The following SEMA5A variants were observed in gnomAD, a reference collection of about 807,000 sequenced individuals.
SEMA5A encodes the protein semaphorin-5A.
In SEMA5A, 55 loss-of-function variants were observed where a neutral mutation model predicts 135.5. The ratio of observed to expected loss-of-function variants is 0.41; its 90% CI spans 0.33 to 0.51. The LOEUF is 0.51. Ranked by LOEUF, SEMA5A falls within the 20% of genes least tolerant of loss-of-function variation. SEMA5A has a pLI of 0.37. For missense variants in SEMA5A, 1,290 were observed against 1,419.9 expected (o/e 0.91, Z 1.47); for synonymous variants, 580 against 546.5 (o/e 1.06, Z -0.85).
At chr5:9,523,798 T>A (rs927750918) in intron 1 of SEMA5A, among the ~76,000 whole-genome samples, 4 of 152,222 alleles carry the variant, frequency 2.6e-5, no homozygotes, top group Non-Finnish European at 4.4e-5. Context: ...AGGTGCCACC[T>A]CCAGGTCATC....
At chr5:9,359,767 C>T (rs1029098381) in intron 3 of SEMA5A, among the ~76,000 whole-genome samples, 1 of 152,018 alleles carries the variant, frequency 6.6e-6, no homozygotes, top group African/African-American at 2.4e-5. Flanking sequence ...TATTTCCTTG[C>T]AGAGGAAAAA....
intron 11 of SEMA5A, among the ~76,000 whole-genome samples, chr5:9,189,867 G>C (rs1490307812): frequency 6.6e-6 from 1 of 152,158 alleles, no homozygotes; most frequent in East Asian, 1.9e-4. Flanking sequence ...TTTGCTGAAG[G>C]CACTGTTTTT....
At chr5:9,111,752 GAA>G (rs1241545361) in intron 15 of SEMA5A, among the ~76,000 whole-genome samples, 9 of 152,178 alleles carry the variant, frequency 5.9e-5, no homozygotes, top group Admixed American at 2.0e-4. Context: ...ATTCACCCTG[GAA>G]GAGACTGTTC....
intron 5 of SEMA5A, among the ~76,000 whole-genome samples, chr5:9,267,252 G>T (rs2150530062): frequency 6.6e-6 from 1 of 152,226 alleles, no homozygotes; most frequent in South Asian, 2.1e-4. Flanking sequence ...AGGCTTCTGG[G>T]TTTGGAAAAA....
intron 5 of SEMA5A, among the ~76,000 whole-genome samples, chr5:9,270,919 A>C (rs1054226697): frequency 3.9e-5 from 6 of 152,114 alleles, no homozygotes; most frequent in African/African-American, 1.4e-4. Flanking sequence ...CTTGCTTGCT[A>C]AAAATAGGTT....
At chr5:9,330,438 TTTTTG>T (rs1225540101) in intron 4 of SEMA5A, among the ~76,000 whole-genome samples, 2 of 151,132 alleles carry the variant, frequency 1.3e-5, no homozygotes, top group Non-Finnish European at 3.0e-5. Context: ...TTTGTTTTTG[TTTTTG>T]TTTTGTTTTG....
intron 5 of SEMA5A, among the ~76,000 whole-genome samples, chr5:9,306,872 G>T (rs1275578946): frequency 2.0e-5 from 3 of 152,154 alleles, no homozygotes; most frequent in Non-Finnish European, 2.9e-5. Flanking sequence ...GAAACTAATG[G>T]CTATGGTTTA....
At chr5:9,136,749 T>C in intron 12 of SEMA5A, 128 bp from the exon 13 acceptor site, 1 of 730,020 alleles carries the variant, frequency 1.4e-6, no homozygotes, top group East Asian at 2.5e-5. Context: ...AATGGGTATT[T>C]AGGCTGCACA....
At chr5:9,425,303 C>A (rs1757608477) in intron 2 of SEMA5A, among the ~76,000 whole-genome samples, 1 of 152,212 alleles carries the variant, frequency 6.6e-6, no homozygotes, top group African/African-American at 2.4e-5. Flanking sequence ...GCTCAGAGAG[C>A]CAGGAGCCTA....
intron 5 of SEMA5A, among the ~76,000 whole-genome samples, chr5:9,317,898 A>C (rs1173775628): frequency 6.6e-6 from 1 of 152,196 alleles, no homozygotes; most frequent in Non-Finnish European, 1.5e-5. Flanking sequence ...AAGTAGGTAA[A>C]TTTCATTTTG....
rs145319776 is a variant in SEMA5A, at chr5:9,337,805, G to T, written c.132C>A (p.Gly44=). ...TCGCTCTGAACTCCCGTAACCAGGG[G>T]CCAATTTCTAAATAGAAAAAATAAA... The part of the protein sequence containing the change: ...EHPVISYKEI[G]PWLREFRAKN... Residue 44 remains glycine, a synonymous_variant, in exon 4 of 23, where the codon GGC becomes GGA. Coordinates refer to ENST00000382496, the MANE Select transcript of SEMA5A (RefSeq NM_003966.3). 1.8e-5 allele frequency: 28 copies of T among 1,595,192 alleles called. No individual in the cohort carries two copies. In the African/African-American group the frequency reaches 3.6e-4, roughly 21 times the overall value.
At chr5:9,390,679 T>A (rs1364499113) in intron 2 of SEMA5A, among the ~76,000 whole-genome samples, 4 of 151,012 alleles carry the variant, frequency 2.6e-5, no homozygotes, top group African/African-American at 9.7e-5. Flanking sequence ...CAATCTTTGA[T>A]CTCAAAAAAA....
At chr5:9,455,839 T>G (rs1269254120) in intron 1 of SEMA5A, among the ~76,000 whole-genome samples, 5 of 152,230 alleles carry the variant, frequency 3.3e-5, no homozygotes, top group African/African-American at 1.2e-4. Context: ...AAGGAAGGCT[T>G]ACGACCCACT....
intron 11 of SEMA5A, among the ~76,000 whole-genome samples, chr5:9,162,579 T>C (rs1316451934): frequency 2.2e-4 from 28 of 128,926 alleles, no homozygotes; most frequent in African/African-American, 5.2e-4. Flanking sequence ...TATATATATA[T>C]ATATATACAC....
chr5:9,104,744 C>T (rs966602961), intron 16 of SEMA5A, among the ~76,000 whole-genome samples: 2 of 152,196 alleles, frequency 1.3e-5, no homozygotes, highest in Non-Finnish European at 2.9e-5. Flanking sequence ...TCCTTCCACC[C>T]GCTCTGTGAA....
chr5:9,466,067 G>T (rs1048234622), intron 1 of SEMA5A, among the ~76,000 whole-genome samples: 7 of 152,124 alleles, frequency 4.6e-5, no homozygotes, highest in Non-Finnish European at 8.8e-5. Context: ...TCTCTCGAGG[G>T]TAATGTCAAG....
chr5:9,147,081 T>G (rs1046844499), intron 12 of SEMA5A, among the ~76,000 whole-genome samples: 2 of 152,176 alleles, frequency 1.3e-5, no homozygotes, highest in Non-Finnish European at 2.9e-5. Flanking sequence ...TAGGGAATAT[T>G]TAATTAAGAA....
rs557277329 is a variant in SEMA5A, at chr5:9,214,906, A to C, written c.646+9768T>G. ...ATGCTCAAGAGTTTTAGCATTGTTC[A>C]ACTCAATAATGAATCTTGACTTGCT... On this transcript the variant is annotated intron_variant, in intron 8 of 22. Transcript: ENST00000382496. Among the ~76,000 whole-genome samples, 11 of 152,340 alleles carry C rather than the reference A, an allele frequency of 7.2e-5. No individual in the cohort carries two copies. The East Asian group carries it at 2.1e-3, about 29-fold the overall frequency.
At chr5:9,072,973 C>G (rs1479802408) in intron 16 of SEMA5A, among the ~76,000 whole-genome samples, 1 of 152,046 alleles carries the variant, frequency 6.6e-6, no homozygotes, top group South Asian at 2.1e-4. Context: ...TAACTGCATC[C>G]CATATGTTCA....
Sources: gnomAD v4.1 joint callset for allele counts (sites outside exome capture counted in the v4.1 genomes callset) on GRCh38, gnomAD v4.1.1 for gene constraint, MANE v1.5 for transcripts, NCBI Gene and HGNC (gene_info 2026-07-23, HGNC 2026-07-21) for gene names.